ITPR2: variants seen among roughly 807,000 people sequenced by gnomAD.
ITPR2 encodes inositol 1,4,5-trisphosphate-gated calcium channel ITPR2.
Under a neutral mutation model 317.1 loss-of-function variants are expected in ITPR2, and 207 were observed. That is an observed-to-expected ratio of 0.65 (90% CI 0.58 to 0.73). ITPR2 has a LOEUF of 0.73. Ranked by LOEUF, ITPR2 falls within the 30% of genes least tolerant of loss-of-function variation. The pLI is 0.00. For synonymous variants in ITPR2, 1,156 were observed against 1,149.1 expected (o/e 1.01, Z -0.12); for missense variants, 2,613 against 3,284.0 (o/e 0.80, Z 4.99).
At chr12:26,740,967 C>G (rs560211941) in intron 2 of ITPR2, among the ~76,000 whole-genome samples, 1 of 152,344 alleles carries the variant, frequency 6.6e-6, no homozygotes, top group African/African-American at 2.4e-5. Flanking sequence ...AATGGGCCAC[C>G]ATGATTCCAC....
At chr12:26,727,692 G>C (rs1030281634) in intron 2 of ITPR2, among the ~76,000 whole-genome samples, 2 of 152,160 alleles carry the variant, frequency 1.3e-5, no homozygotes, top group Non-Finnish European at 2.9e-5. Context: ...TGCCCTGCAC[G>C]AACAGGGGTT....
chr12:26,470,140 T>C (rs1311759515), intron 45 of ITPR2, among the ~76,000 whole-genome samples: 1 of 152,200 alleles, frequency 6.6e-6, no homozygotes, highest in Non-Finnish European at 1.5e-5. Context: ...TAAAACTTTC[T>C]CTGTGACCCA....
chr12:26,701,688 A>G (rs567920998), intron 9 of ITPR2, among the ~76,000 whole-genome samples: 94 of 152,344 alleles, frequency 6.2e-4, no homozygotes, highest in African/African-American at 2.2e-3. Context: ...ATTTAAAACT[A>G]CAGCCCCAAT....
At chr12:26,562,151 A>G (rs965548011) in intron 34 of ITPR2, among the ~76,000 whole-genome samples, 199 bp from the exon 35 acceptor site, 1 of 152,246 alleles carries the variant, frequency 6.6e-6, no homozygotes, top group African/African-American at 2.4e-5. Context: ...GGGTTCATGA[A>G]ACATTCAAGA....
chr12:26,413,491 A>G (rs914966849), intron 51 of ITPR2, among the ~76,000 whole-genome samples: 5 of 152,270 alleles, frequency 3.3e-5, no homozygotes, highest in Non-Finnish European at 5.9e-5. Flanking sequence ...ACATGAAAGA[A>G]TAAACTTAGC....
intron 55 of ITPR2, among the ~76,000 whole-genome samples, chr12:26,347,162 A>G (rs1938337590): frequency 6.6e-6 from 1 of 152,176 alleles, no homozygotes; most frequent in Non-Finnish European, 1.5e-5. Flanking sequence ...CTCTTATATA[A>G]TCTATCCCTA....
intron 35 of ITPR2, among the ~76,000 whole-genome samples, chr12:26,558,755 C>T (rs1055843069): frequency 6.6e-6 from 1 of 152,158 alleles, no homozygotes; most frequent in Non-Finnish European, 1.5e-5. Flanking sequence ...TGTTGGAACT[C>T]CCACATTTAT....
intron 55 of ITPR2, among the ~76,000 whole-genome samples, chr12:26,356,551 C>T (rs576582689): frequency 8.5e-5 from 13 of 152,336 alleles, no homozygotes; most frequent in Admixed American, 2.0e-4. Flanking sequence ...ACAGGAATTA[C>T]AGCCATGAGC....
At chr12:26,342,680 G>T (rs1938170657) in intron 55 of ITPR2, among the ~76,000 whole-genome samples, 1 of 152,124 alleles carries the variant, frequency 6.6e-6, no homozygotes. Context: ...CACAATCTCA[G>T]CTCACCACAA....
intron 21 of ITPR2, among the ~76,000 whole-genome samples, chr12:26,644,531 C>T (rs1286838208): frequency 6.6e-6 from 1 of 152,200 alleles, no homozygotes; most frequent in Non-Finnish European, 1.5e-5. Flanking sequence ...TTCCACATGG[C>T]TGGGGAGGCC....
chr12:26,613,060 G>A (rs10842759), intron 26 of ITPR2, among the ~76,000 whole-genome samples: 34,757 of 152,026 alleles, frequency 0.23, 4,408 homozygotes, highest in East Asian at 0.51. Context: ...AAGTGTGTTC[G>A]TTCGTTGAGG....
rs149452183 is a variant in ITPR2 at position 26,405,819 on chromosome 12, G to A, written c.7399+5501C>T. Among the ~76,000 whole-genome samples, 1,182 of 152,174 alleles carry A rather than the reference G, an allele frequency of 7.8e-3. 8 individuals carry two copies. Among genetic ancestry groups the A allele is most frequent in the African/African-American group, 0.023 (960 of 41,506 alleles). Reference sequence around the variant, plus strand: ...CTAAAAATACAAAAACTAGCCAGGCGTGGTGGTGCATGCCTGTAATCCCAG... The same window carrying A: ...CTAAAAATACAAAAACTAGCCAGGCATGGTGGTGCATGCCTGTAATCCCAG... On this transcript the variant is annotated intron_variant, in intron 52 of 56. Transcript: ENST00000381340.
intron 48 of ITPR2, 82 bp downstream of exon 48, chr12:26,436,139 G>T: frequency 7.7e-7 from 1 of 1,296,254 alleles, no homozygotes; most frequent in Non-Finnish European, 1.0e-6. Flanking sequence ...TAACAGGAAT[G>T]AAATTATTCT....
intron 29 of ITPR2, 77 bp downstream of exon 29, chr12:26,599,910 A>C (rs2306680): frequency 0.15 from 157,530 of 1,066,622 alleles, 12,963 homozygotes; most frequent in Admixed American, 0.19. Flanking sequence ...GTGTAACAAA[A>C]TTCTCTTCAT....
intron 37 of ITPR2, among the ~76,000 whole-genome samples, chr12:26,534,441 T>G (rs898694116): frequency 1.3e-5 from 2 of 152,056 alleles, no homozygotes; most frequent in African/African-American, 4.8e-5. Context: ...TGTAAAGAAA[T>G]CTCTTCTATT....
chr12:26,455,273 T>C (rs1016293473), intron 45 of ITPR2, among the ~76,000 whole-genome samples: 3 of 151,036 alleles, frequency 2.0e-5, no homozygotes, highest in Non-Finnish European at 4.4e-5. Context: ...CAGCTTTCTA[T>C]TTCTGAGTTA....
chr12:26,475,263 A>G (rs1350924730), intron 45 of ITPR2, 33 bp downstream of exon 45: 2 of 1,612,162 alleles, frequency 1.2e-6, no homozygotes, highest in Non-Finnish European at 1.7e-6. Context: ...TGATAGGATG[A>G]GCAAAATAAT....
chr12:26,766,104 T>G (rs894278672), intron 2 of ITPR2, among the ~76,000 whole-genome samples: 1 of 152,176 alleles, frequency 6.6e-6, no homozygotes, highest in Non-Finnish European at 1.5e-5. Flanking sequence ...GCTATGAACA[T>G]TTGGGTACAA....
intron 34 of ITPR2, among the ~76,000 whole-genome samples, chr12:26,570,806 C>T (rs12320611): frequency 0.042 from 6,339 of 152,174 alleles, 430 homozygotes; most frequent in African/African-American, 0.14. Flanking sequence ...ATAAACGAAT[C>T]AACTGAGGAA....
Sources: allele counts gnomAD v4.1 joint callset (sites outside exome capture counted in the v4.1 genomes callset), GRCh38; gene constraint gnomAD v4.1.1; transcripts MANE v1.5; gene names NCBI Gene and HGNC (gene_info 2026-07-23, HGNC 2026-07-21).